Variants in TFEC observed in about 807,000 individuals in gnomAD.
TFEC encodes the protein class E basic helix-loop-helix protein 34.
TFEC carries 31 observed loss-of-function variants against 41.6 expected under a neutral mutation model. That is an observed-to-expected ratio of 0.74 (90% CI 0.56 to 1.01). The LOEUF is 1.01. Ranked by LOEUF, TFEC falls within the 50% of genes least tolerant of loss-of-function variation. TFEC has a pLI of 0.00. For missense variants in TFEC, 402 were observed against 404.1 expected (o/e 0.99, Z 0.04); for synonymous variants, 143 against 140.6 (o/e 1.02, Z -0.12).
In TFEC at chr7:115,992,321, T is replaced by C. The variant is rs376434787; in HGVS notation, c.-72-7808A>G. On this transcript the variant is annotated intron_variant, in intron 1 of 7. Coordinates refer to ENST00000265440, the MANE Select transcript of TFEC (RefSeq NM_012252.4). ...ACTAGAGAAGCAAGAGAAAACACAT[T>C]CAAAAGCTAGCAGAAGGCAAGAAAT... 1.8e-3 allele frequency among the ~76,000 whole-genome samples: 277 copies of C among 151,954 alleles called. 4 individuals carry two copies. Among genetic ancestry groups the C allele is most frequent in the Admixed American group, 0.014 (210 of 15,264 alleles).
chr7:116,069,545 A>G (rs868023772), intron 3 of TFEC, among the ~76,000 whole-genome samples: 1 of 151,730 alleles, frequency 6.6e-6, no homozygotes. Context: ...GAACAATGTA[A>G]TAGTGATGTG....
chr7:116,119,286 A>G (rs532981176), intron 1 of TFEC, among the ~76,000 whole-genome samples: 1 of 151,982 alleles, frequency 6.6e-6, no homozygotes, highest in African/African-American at 2.4e-5. Context: ...ATACCCCTAA[A>G]CTACATTATA....
In TFEC at chr7:115,935,597, T is replaced by C. The variant is rs1202366498; in HGVS notation, c.*4954A>G. 6.6e-6 allele frequency: 1 copy of C among 151,752 alleles called. No individual in the cohort carries two copies. Among genetic ancestry groups the C allele is most frequent in the Non-Finnish European group, 1.5e-5 (1 of 67,676 alleles). The allele number at this position is 151,752 out of a possible 1,614,324, so 9.4% of individuals were successfully genotyped here. On this transcript the variant is annotated 3_prime_UTR_variant, in exon 8 of 8. Coordinates refer to ENST00000265440, the MANE Select transcript of TFEC (RefSeq NM_012252.4). ...TATGTAACTTCTTGATTATATATAA[T>C]TCTTTCAGCAAAATCAGTCTCTTCT...
At chr7:115,951,960 T>C (rs932300006) in intron 5 of TFEC, among the ~76,000 whole-genome samples, 1 of 152,100 alleles carries the variant, frequency 6.6e-6, no homozygotes, top group Non-Finnish European at 1.5e-5. Context: ...TCAACAGATA[T>C]GTTTAAAGCT....
chr7:116,107,673 T>A (rs1797752287), intron 3 of TFEC, among the ~76,000 whole-genome samples: 1 of 152,166 alleles, frequency 6.6e-6, no homozygotes, highest in East Asian at 1.9e-4. Flanking sequence ...ATCTACTTCA[T>A]ACTGGGTTAC....
At chr7:116,015,657 T>C (rs1349951172) in intron 1 of TFEC, among the ~76,000 whole-genome samples, 1 of 152,122 alleles carries the variant, frequency 6.6e-6, no homozygotes, top group African/African-American at 2.4e-5. Context: ...TTACCGATAA[T>C]ATATAGGAAT....
At chr7:116,120,725 G>A (rs1213561701) in intron 1 of TFEC, among the ~76,000 whole-genome samples, 1 of 151,886 alleles carries the variant, frequency 6.6e-6, no homozygotes, top group African/African-American at 2.4e-5. Context: ...GTACTGCTGG[G>A]ACCCAAAGAA....
At chr7:116,051,906 TC>T (rs1417222851) in intron 3 of TFEC, among the ~76,000 whole-genome samples, 1 of 151,996 alleles carries the variant, frequency 6.6e-6, no homozygotes, top group African/African-American at 2.4e-5. Context: ...AGCCACAGGT[TC>T]TCAGGGCCTT....
At chr7:115,967,355 T>C (rs967151143) in intron 3 of TFEC, among the ~76,000 whole-genome samples, 3 of 151,662 alleles carry the variant, frequency 2.0e-5, no homozygotes, top group Non-Finnish European at 4.4e-5. Context: ...GGTAAAAGAT[T>C]AGATAGAATA....
At chr7:116,030,905 C>T, upstream of TFEC, 1 of 829,102 alleles carries the variant, frequency 1.2e-6, no homozygotes, top group Non-Finnish European at 1.5e-6. Flanking sequence ...GACTTCCTTT[C>T]TTTATCTGAA....
chr7:116,129,239 T>C (rs184631637), intron 1 of TFEC, among the ~76,000 whole-genome samples: 1 of 152,322 alleles, frequency 6.6e-6, no homozygotes, highest in East Asian at 1.9e-4. Context: ...TCTGGACAGG[T>C]TGTTGTGTAT....
intron 3 of TFEC, among the ~76,000 whole-genome samples, chr7:116,053,225 T>C (rs918894371): frequency 6.6e-6 from 1 of 152,174 alleles, no homozygotes; most frequent in African/African-American, 2.4e-5. Flanking sequence ...GAATGAATCT[T>C]GGACATGCAA....
chr7:116,079,247 G>C (rs539981325), intron 3 of TFEC, among the ~76,000 whole-genome samples: 3 of 152,082 alleles, frequency 2.0e-5, no homozygotes, highest in Admixed American at 2.0e-4. Flanking sequence ...AAAATGAAAA[G>C]CATTCCCCCT....
intron 3 of TFEC, among the ~76,000 whole-genome samples, chr7:115,971,809 A>G (rs1394166717): frequency 6.6e-6 from 1 of 152,106 alleles, no homozygotes. Context: ...TGTCTGTTCA[A>G]TGGCTGAGAA....
chr7:116,030,858 A>C (rs1292886487), upstream of TFEC: 1 of 981,138 alleles, frequency 1.0e-6, no homozygotes, highest in African/African-American at 1.8e-5. Context: ...ATTTCAGTTA[A>C]GGAAGAAGAA....
intron 1 of TFEC, among the ~76,000 whole-genome samples, chr7:116,134,136 T>C (rs1798389827): frequency 6.6e-6 from 1 of 152,164 alleles, no homozygotes; most frequent in African/African-American, 2.4e-5. Context: ...TGAATAAGAA[T>C]ATTTAAGAAC....
chr7:116,060,241 A>T (rs913982531), intron 3 of TFEC, among the ~76,000 whole-genome samples: 2 of 152,122 alleles, frequency 1.3e-5, no homozygotes, highest in Non-Finnish European at 2.9e-5. Flanking sequence ...GGTTGCAAAG[A>T]AAACACTCAT....
intron 3 of TFEC, among the ~76,000 whole-genome samples, chr7:116,048,543 T>C (rs1210277199): frequency 6.6e-6 from 1 of 152,196 alleles, no homozygotes; most frequent in African/African-American, 2.4e-5. Flanking sequence ...TGGAACCAAG[T>C]TGGAAAACAC....
At chr7:116,048,500 T>A (rs538877825) in intron 3 of TFEC, among the ~76,000 whole-genome samples, 3 of 152,304 alleles carry the variant, frequency 2.0e-5, no homozygotes, top group African/African-American at 7.2e-5. Context: ...CAAATCTACA[T>A]CTGATTGGTG....
Sources: gnomAD v4.1 joint callset for allele counts (sites outside exome capture counted in the v4.1 genomes callset) on GRCh38, gnomAD v4.1.1 for gene constraint, MANE v1.5 for transcripts, NCBI Gene and HGNC (gene_info 2026-07-23, HGNC 2026-07-21) for gene names.